Variants in TEX26 observed in about 807,000 individuals in gnomAD.
The protein encoded by TEX26 is testis expressed 26, also known as testis-expressed protein 26.
A neutral mutation model predicts 35.3 loss-of-function variants in TEX26; 34 were observed. That is an observed-to-expected ratio of 0.96 (90% CI 0.73 to 1.28). The LOEUF (loss-of-function observed/expected upper bound fraction) is 1.28. Ranked by LOEUF, TEX26 falls within the 50% of genes most tolerant of loss-of-function variation. TEX26 has a pLI of 0.00. For missense variants in TEX26, 371 were observed against 330.1 expected, an observed-to-expected ratio of 1.12 and a Z score of -0.96; for synonymous variants, 136 against 111.8, an observed-to-expected ratio of 1.22 and a Z score of -1.36.
intron 4 of TEX26, among the ~76,000 whole-genome samples, chr13:30,962,028 G>A (rs548312684): frequency 1.3e-5 from 2 of 152,186 alleles, no homozygotes; most frequent in South Asian, 2.1e-4. Flanking sequence ...AGCCTCATGA[G>A]CATTCCAACT....
chr13:30,948,551 T>C (rs970812365), intron 2 of TEX26, among the ~76,000 whole-genome samples: 7 of 152,192 alleles, frequency 4.6e-5, no homozygotes, highest in Non-Finnish European at 7.3e-5. Flanking sequence ...TTGAGAAGAG[T>C]CTGTTCATAT....
Position 30,968,871 on chromosome 13 carries a change from G to C in TEX26, c.647-14G>C. 1.2e-6 allele frequency: 2 copies of C among 1,611,124 alleles called. No homozygotes were observed. Among genetic ancestry groups the C allele is most frequent in the Non-Finnish European group, 1.7e-6 (2 of 1,178,704 alleles). ...CCAGCCTTCCGACCTCTCCTCCCCTGTGTATTTCTATAGTGCCTTCTGTGC... is the reference window on the plus strand; with the variant it reads ...CCAGCCTTCCGACCTCTCCTCCCCTCTGTATTTCTATAGTGCCTTCTGTGC... On this transcript the variant is annotated splice_polypyrimidine_tract_variant and intron_variant, in intron 5 of 6. Coordinates refer to ENST00000380473, the MANE Select transcript of TEX26 (RefSeq NM_152325.3).
At chr13:30,934,723 G>A (rs1030692961) in intron 1 of TEX26, among the ~76,000 whole-genome samples, 1 of 152,150 alleles carries the variant, frequency 6.6e-6, no homozygotes, top group Non-Finnish European at 1.5e-5. Context: ...CTTCTGAGTT[G>A]GGATGGGAGC....
intron 5 of TEX26, among the ~76,000 whole-genome samples, chr13:30,966,857 C>T (rs759644414): frequency 6.6e-6 from 1 of 152,180 alleles, no homozygotes; most frequent in African/African-American, 2.4e-5. Flanking sequence ...AGCCAGAGAT[C>T]CTGGCATGAA....
intron 4 of TEX26, among the ~76,000 whole-genome samples, chr13:30,962,430 G>A (rs1393565673): frequency 1.3e-5 from 2 of 152,092 alleles, no homozygotes; most frequent in African/African-American, 4.8e-5. Flanking sequence ...TCCTCCCTGT[G>A]GAGCAGGTCT....
intron 2 of TEX26, among the ~76,000 whole-genome samples, chr13:30,951,023 TC>T (rs763557775): frequency 3.3e-5 from 5 of 152,132 alleles, no homozygotes; most frequent in Non-Finnish European, 5.9e-5. Context: ...GAAAATTGAT[TC>T]TTTTAAAGAT....
intron 2 of TEX26, among the ~76,000 whole-genome samples, chr13:30,949,672 A>C (rs1046131586): frequency 1.3e-5 from 2 of 151,994 alleles, no homozygotes; most frequent in Non-Finnish European, 2.9e-5. Flanking sequence ...TAATGCAATA[A>C]AATGTGTAGC....
chr13:30,956,270 G>A (rs1478071235), intron 3 of TEX26, among the ~76,000 whole-genome samples: 2 of 149,652 alleles, frequency 1.3e-5, no homozygotes, highest in African/African-American at 2.5e-5. Context: ...GCGGTGTTTG[G>A]TTTTTTGTCC....
At chr13:30,957,987 T>C (rs114269705) in intron 4 of TEX26, among the ~76,000 whole-genome samples, 2,672 of 152,318 alleles carry the variant, frequency 0.018, 89 homozygotes, top group African/African-American at 0.062. Context: ...GCCATTTTAT[T>C]CTCTCCTTTG....
At chr13:30,955,036 T>C (rs1593576533) in intron 3 of TEX26, among the ~76,000 whole-genome samples, 1 of 152,294 alleles carries the variant, frequency 6.6e-6, no homozygotes, top group East Asian at 1.9e-4. Flanking sequence ...CAACGATGTA[T>C]TATCTGCCTC....
chr13:30,934,817 T>C (rs1056277178), intron 1 of TEX26, among the ~76,000 whole-genome samples: 2 of 152,298 alleles, frequency 1.3e-5, no homozygotes, highest in African/African-American at 4.8e-5. Flanking sequence ...CCTGCAGTCC[T>C]GGGCGAGGCT....
At position 30,964,259 on chromosome 13, in the gene TEX26, C is replaced by T. The variant is rs142507000; in HGVS notation, c.470-1963C>T. On this transcript the variant is annotated intron_variant, in intron 4 of 6. Transcript: ENST00000380473. The stretch of plus-strand genomic sequence containing the variant: ...TGCCTGGGGCTCACTTCTGGAGGTT[C>T]TCAATGTCTGGAATGAGGGTCAGCA... Among the ~76,000 whole-genome samples, 14 of 152,240 alleles carry T rather than the reference C, an allele frequency of 9.2e-5. No homozygotes were observed. The East Asian group carries it at 2.7e-3, about 29-fold the overall frequency.
intron 2 of TEX26, among the ~76,000 whole-genome samples, chr13:30,947,964 A>G (rs1338192499): frequency 6.6e-6 from 1 of 151,278 alleles, no homozygotes; most frequent in Non-Finnish European, 1.5e-5. Context: ...TGTTCAATTC[A>G]CACCCATGAG....
chr13:30,963,074 C>T (rs775359700), intron 4 of TEX26, among the ~76,000 whole-genome samples: 12 of 152,052 alleles, frequency 7.9e-5, no homozygotes, highest in African/African-American at 2.9e-4. Flanking sequence ...GTGATCCACC[C>T]GCCTCGGCCT....
At chr13:30,934,852 G>C (rs1387474032) in intron 1 of TEX26, among the ~76,000 whole-genome samples, 1 of 152,220 alleles carries the variant, frequency 6.6e-6, no homozygotes, top group African/African-American at 2.4e-5. Context: ...TGCGGCTGTG[G>C]GTCTGAGCCT....
rs569395118 is a variant in TEX26 at position 30,940,366 on chromosome 13, C to T, written c.146+588C>T. Among the ~76,000 whole-genome samples, 10 of 113,502 alleles carry T rather than the reference C, an allele frequency of 8.8e-5. No homozygotes were observed. In the South Asian group the frequency reaches 2.6e-3, roughly 29 times the overall value. The allele number at this position is 113,502 out of a possible 152,430, so 74.5% of individuals were successfully genotyped here. The stretch of plus-strand genomic sequence containing the variant: ...TTTTTTTTTTTGAGACAGAGTCTCG[C>T]TCTGTCGCCCAGGCTGGAGTGCAGT... On this transcript the variant is annotated intron_variant, in intron 2 of 6. Transcript: ENST00000380473.
intron 2 of TEX26, among the ~76,000 whole-genome samples, chr13:30,940,424 C>T (rs186337935): frequency 2.0e-5 from 3 of 147,318 alleles, no homozygotes; most frequent in African/African-American, 5.0e-5. Context: ...AGCTCCGCCC[C>T]CTGGGTTCAC....
intron 3 of TEX26, among the ~76,000 whole-genome samples, chr13:30,956,106 CT>C (rs2138270762): frequency 6.6e-6 from 1 of 151,140 alleles, no homozygotes; most frequent in East Asian, 1.9e-4. Flanking sequence ...TGTTGGTGTG[CT>C]GCACCCATTA....
chr13:30,933,139 G>C (rs1953137168), intron 1 of TEX26: 1 of 183,186 alleles, frequency 5.5e-6, no homozygotes. Context: ...GAAGAGAACA[G>C]GTCCTGCCTG....
Sources: gnomAD v4.1 joint callset for allele counts (sites outside exome capture counted in the v4.1 genomes callset) on GRCh38, gnomAD v4.1.1 for gene constraint, MANE v1.5 for transcripts, NCBI Gene and HGNC (gene_info 2026-07-23, HGNC 2026-07-21) for gene names.